OR5D3: variants seen among roughly 807,000 people sequenced by gnomAD.
OR5D3 encodes the protein olfactory receptor 5D3.
chr11:55,726,158 T>C, the OR5D3 span: 6 of 398,150 alleles, frequency 1.5e-5, no homozygotes, highest in Admixed American at 2.2e-4. Context: ...TTTCTGTTTC[T>C]TATTGCACAT....
At chr11:55,724,129 A>G in the OR5D3 span, 1 of 393,996 alleles carries the variant, frequency 2.5e-6, no homozygotes, top group South Asian at 1.3e-4. Flanking sequence ...AGTACCAGAC[A>G]AACACACGTG....
chr11:55,726,223 A>T, the OR5D3 span: 1 of 399,596 alleles, frequency 2.5e-6, no homozygotes, highest in Non-Finnish European at 4.4e-6. Flanking sequence ...CAGGATTCAA[A>T]AAAATCAGAC....
the OR5D3 span, chr11:55,727,154 T>C: frequency 1.0e-5 from 4 of 398,702 alleles, no homozygotes; most frequent in Admixed American, 4.4e-5. Context: ...TGTCATAAAA[T>C]GTAATGCTAG....
At chr11:55,727,054 GT>G in the OR5D3 span, 1 of 404,620 alleles carries the variant, frequency 2.5e-6, no homozygotes, top group Non-Finnish European at 4.4e-6. Flanking sequence ...TTACACAGTG[GT>G]CATTCCCATG....
the OR5D3 span, chr11:55,728,275 C>T: frequency 2.6e-5 from 4 of 151,854 alleles, no homozygotes; most frequent in African/African-American, 9.7e-5. Flanking sequence ...ACGTCCAAGC[C>T]CCAAAGCAAG....
At chr11:55,727,499 A>G in the OR5D3 span, 5 of 157,524 alleles carry the variant, frequency 3.2e-5, no homozygotes, top group South Asian at 6.1e-4. Flanking sequence ...AGTTTACCTG[A>G]TAACATAAAA....
the OR5D3 span, chr11:55,724,118 T>C: frequency 2.5e-6 from 1 of 395,934 alleles, no homozygotes; most frequent in Admixed American, 4.4e-5. Context: ...CCGGTAATCT[T>C]AGTACCAGAC....
the OR5D3 span, among the ~76,000 whole-genome samples, chr11:55,725,018 G>A: frequency 6.6e-6 from 1 of 151,944 alleles, no homozygotes; most frequent in South Asian, 2.1e-4. Context: ...CCATTTTGTG[G>A]GTTCAGGAAA....
chr11:55,727,348 A>G, the OR5D3 span: 1 of 362,648 alleles, frequency 2.8e-6, no homozygotes, highest in Non-Finnish European at 4.9e-6. Flanking sequence ...TAAATTTTTG[A>G]TCGAGAATAT....
the OR5D3 span, among the ~76,000 whole-genome samples, chr11:55,724,780 G>A: frequency 1.3e-5 from 2 of 152,046 alleles, no homozygotes; most frequent in African/African-American, 4.8e-5. Context: ...ATTGAGGAGA[G>A]TGACTGGGAA....
chr11:55,728,711 T>G, the OR5D3 span: 1 of 152,206 alleles, frequency 6.6e-6, no homozygotes, highest in South Asian at 2.1e-4. Context: ...TTTACCTTAA[T>G]GCTTTACACC....
the OR5D3 span, chr11:55,728,561 G>T: frequency 5.9e-5 from 9 of 152,040 alleles, no homozygotes; most frequent in African/African-American, 9.7e-5. Flanking sequence ...TTTTCTCCTT[G>T]TGTCTTGCCA....
At chr11:55,726,968 A>G in the OR5D3 span, 2 of 400,254 alleles carry the variant, frequency 5.0e-6, no homozygotes, top group Non-Finnish European at 8.8e-6. Context: ...ACCATTTTCC[A>G]TGGGACTATC....
the OR5D3 span, chr11:55,727,229 A>G: frequency 2.5e-6 from 1 of 397,300 alleles, no homozygotes; most frequent in Non-Finnish European, 4.4e-6. Context: ...ATTGCATGAA[A>G]TTATGATAAC....
chr11:55,723,842 G>A, the OR5D3 span: 15 of 366,358 alleles, frequency 4.1e-5, no homozygotes, highest in Non-Finnish European at 6.8e-5. Context: ...GTTTCTAGAT[G>A]TGACCTTATC....
chr11:55,727,351 G>A, the OR5D3 span: 1 of 359,778 alleles, frequency 2.8e-6, no homozygotes, highest in Non-Finnish European at 4.9e-6. Flanking sequence ...ATTTTTGATC[G>A]AGAATATTGT....
the OR5D3 span, chr11:55,728,285 G>C: frequency 2.6e-5 from 4 of 151,996 alleles, no homozygotes; most frequent in Non-Finnish European, 5.9e-5. Flanking sequence ...CCCAAAGCAA[G>C]AGTTGAGAAA....
the OR5D3 span, chr11:55,728,974 T>C: frequency 1.3e-5 from 2 of 152,058 alleles, no homozygotes; most frequent in Admixed American, 1.3e-4. Context: ...ATATTTAGTA[T>C]ATTCAATAAG....
chr11:55,726,617 C>T, the OR5D3 span: 2 of 401,864 alleles, frequency 5.0e-6, no homozygotes, highest in Non-Finnish European at 4.4e-6. Flanking sequence ...TACACAGTTG[C>T]AATGTCCCAG....
Sources: allele counts gnomAD v4.1 joint callset (sites outside exome capture counted in the v4.1 genomes callset), GRCh38; gene constraint gnomAD v4.1.1; transcripts MANE v1.5; gene names NCBI Gene and HGNC (gene_info 2026-07-23, HGNC 2026-07-21).